DCDC1: variants seen among roughly 807,000 people sequenced by gnomAD.
The protein encoded by DCDC1 is doublecortin domain-containing protein 1.
DCDC1 carries 200 observed loss-of-function variants against 178.3 expected under a neutral mutation model. The observed-to-expected ratio is 1.12, with a 90% CI of 1.00 to 1.26. DCDC1 has a LOEUF of 1.26. Among genes scored for constraint, DCDC1 ranks in the 50% most tolerant of loss-of-function variants. DCDC1 has a pLI of 0.00. For missense variants in DCDC1, 1,983 were observed against 1,749.2 expected (o/e 1.13, Z -2.38); for synonymous variants, 690 against 604.8 (o/e 1.14, Z -2.07).
At chr11:31,082,203 G>A (rs926511944) in intron 17 of DCDC1, among the ~76,000 whole-genome samples, 1 of 152,154 alleles carries the variant, frequency 6.6e-6, no homozygotes, top group African/African-American at 2.4e-5. Context: ...CTGAACTAAG[G>A]TTGAGAGACT....
chr11:31,088,016 A>G (rs1387039625), intron 17 of DCDC1, among the ~76,000 whole-genome samples: 3 of 152,108 alleles, frequency 2.0e-5, no homozygotes, highest in Non-Finnish European at 4.4e-5. Context: ...TTAAAAAATT[A>G]GAATCGTTAT....
intron 17 of DCDC1, among the ~76,000 whole-genome samples, chr11:31,080,444 G>A (rs1201006170): frequency 6.6e-6 from 1 of 152,106 alleles, no homozygotes; most frequent in African/African-American, 2.4e-5. Context: ...TGAAAATGGA[G>A]TCAACATCTT....
Position 31,290,852 on chromosome 11 carries a change from T to A in DCDC1, c.755A>T (p.Asp252Val). The part of the protein sequence containing the change: ...PFLNPFKKIK[D>V]HLLLIKKVTW... Reference sequence around the variant, plus strand: ...TACTTTCTTAATTAACAACAGATGGTCTAGAAGATAATTTTTTAAGTCAAG... The same window carrying A: ...TACTTTCTTAATTAACAACAGATGGACTAGAAGATAATTTTTTAAGTCAAG... The change falls in exon 7 of 39, where the codon GAC (aspartate) becomes GTC (valine). Residue 252 changes from aspartate to valine, a missense_variant and splice_region_variant. By Grantham distance (152) the Asp-to-Val change is radical. Transcript: ENST00000684477. 6.2e-7 allele frequency: 1 copy of A among 1,602,370 alleles called. No individual in the cohort carries two copies.
At chr11:30,971,603 G>GTTTTTTTTT (rs71060475) in intron 20 of DCDC1, among the ~76,000 whole-genome samples, 3 of 83,560 alleles carry the variant, frequency 3.6e-5, no homozygotes, top group African/African-American at 1.5e-4. Flanking sequence ...ACAGGCCTTT[G>GTTTTTTTTT]TTTTTTTTTT....
At chr11:31,074,954 A>G (rs1394246643) in intron 18 of DCDC1, among the ~76,000 whole-genome samples, 1 of 152,216 alleles carries the variant, frequency 6.6e-6, no homozygotes, top group Non-Finnish European at 1.5e-5. Context: ...ATTTTGTTAC[A>G]TGGCTATATT....
intron 6 of DCDC1, among the ~76,000 whole-genome samples, chr11:31,297,552 G>A (rs1424307285): frequency 6.6e-6 from 1 of 151,760 alleles, no homozygotes; most frequent in East Asian, 1.9e-4. Flanking sequence ...TCACCTTATT[G>A]GCCAGGCTGG....
intron 9 of DCDC1, among the ~76,000 whole-genome samples, chr11:31,180,817 G>GA (rs1565394739): frequency 6.7e-6 from 1 of 148,860 alleles, no homozygotes. Flanking sequence ...TTTTTTTGTT[G>GA]TTTTTTTTTT....
In DCDC1 at chr11:30,881,193, C is replaced by A. The variant is rs1037282176; in HGVS notation, c.5198G>T (p.Cys1733Phe). ...TTTGAAACCATGTCCCATAGACACA[C>A]AGATGACCATATCTCGCTCTATGTC... ...WDDIERDMVI[C>F]VSMGHGFKTP... Residue 1733 changes from cysteine to phenylalanine, a missense_variant, in exon 37 of 39, where the codon TGT (cysteine) becomes TTT (phenylalanine). Coordinates refer to ENST00000684477, the MANE Select transcript of DCDC1 (RefSeq NM_001387274.1). 4 of 1,613,392 alleles carry A rather than the reference C, an allele frequency of 2.5e-6. No individual in the cohort carries two copies. In the African/African-American group the frequency reaches 5.3e-5, roughly 22 times the overall value.
At chr11:31,086,213 G>A (rs974780190) in intron 17 of DCDC1, among the ~76,000 whole-genome samples, 7 of 152,088 alleles carry the variant, frequency 4.6e-5, no homozygotes, top group African/African-American at 1.7e-4. Context: ...TTCCACCAAC[G>A]ACTTATGAGA....
chr11:31,209,093 G>A (rs1015750300), intron 9 of DCDC1, among the ~76,000 whole-genome samples: 13 of 152,106 alleles, frequency 8.5e-5, no homozygotes, highest in African/African-American at 2.9e-4. Context: ...GGAATTTGAG[G>A]GGTCAGGAGA....
intron 29 of DCDC1, among the ~76,000 whole-genome samples, chr11:30,906,999 G>A (rs933341652): frequency 2.6e-5 from 4 of 152,084 alleles, no homozygotes; most frequent in African/African-American, 9.7e-5. Context: ...CCAGATTTGA[G>A]GCAAGAAATA....
intron 20 of DCDC1, among the ~76,000 whole-genome samples, chr11:30,960,522 A>T (rs1232027727): frequency 6.6e-6 from 1 of 152,168 alleles, no homozygotes; most frequent in Non-Finnish European, 1.5e-5. Flanking sequence ...TGTGCACAAC[A>T]CAAATTAGAA....
At chr11:30,884,697 G>A (rs1943009198) in intron 36 of DCDC1, among the ~76,000 whole-genome samples, 1 of 151,796 alleles carries the variant, frequency 6.6e-6, no homozygotes, top group Non-Finnish European at 1.5e-5. Context: ...TAAGACCCTT[G>A]TAAACAAAAA....
intron 26 of DCDC1, 125 bp from the exon 27 acceptor site, chr11:30,915,836 T>C: frequency 1.1e-6 from 1 of 872,698 alleles, no homozygotes; most frequent in Non-Finnish European, 1.8e-6. Flanking sequence ...TAACTTGAAA[T>C]GATAGACCAT....
chr11:31,334,236 T>C (rs964904857), intron 2 of DCDC1, among the ~76,000 whole-genome samples: 3 of 152,202 alleles, frequency 2.0e-5, no homozygotes, highest in African/African-American at 7.2e-5. Flanking sequence ...CATCAGGTCA[T>C]TTAAGGTCTT....
chr11:31,079,983 G>C (rs1957080163), intron 17 of DCDC1, among the ~76,000 whole-genome samples: 1 of 152,134 alleles, frequency 6.6e-6, no homozygotes, highest in Non-Finnish European at 1.5e-5. Flanking sequence ...ATATCTTTCA[G>C]GGTATAACTG....
chr11:31,101,946 G>A (rs898578701), intron 15 of DCDC1, among the ~76,000 whole-genome samples: 19 of 151,902 alleles, frequency 1.3e-4, no homozygotes, highest in Non-Finnish European at 2.4e-4. Flanking sequence ...GCATGGTGGC[G>A]CGTGCCTGTA....
intron 17 of DCDC1, among the ~76,000 whole-genome samples, chr11:31,083,602 G>A (rs1019379651): frequency 2.0e-5 from 3 of 152,082 alleles, no homozygotes; most frequent in Non-Finnish European, 4.4e-5. Flanking sequence ...CAGATCCAGT[G>A]CCATTTCAGA....
rs540487455 is a variant in DCDC1, at chr11:31,143,666, T to G, written c.1222-5882A>C. ...ATACATGCTTAACTCAGTAGCAATC[T>G]TAGAGATGCCTTAACTAAGTCCTGA... On this transcript the variant is annotated intron_variant, in intron 9 of 38. Transcript: ENST00000684477. 1.1e-3 allele frequency among the ~76,000 whole-genome samples: 160 copies of G among 152,340 alleles called. No homozygotes were observed. In the South Asian group the frequency reaches 0.015, roughly 14 times the overall value.
Sources: gnomAD v4.1 joint callset for allele counts (sites outside exome capture counted in the v4.1 genomes callset) on GRCh38, gnomAD v4.1.1 for gene constraint, MANE v1.5 for transcripts, NCBI Gene and HGNC (gene_info 2026-07-23, HGNC 2026-07-21) for gene names.